SYT1: variants seen among roughly 807,000 people sequenced by gnomAD.
SYT1 encodes synaptotagmin 1.
In SYT1, 8 loss-of-function variants were observed where a neutral mutation model predicts 44.8. The observed-to-expected ratio is 0.18, with a 90% CI of 0.10 to 0.32. The LOEUF (loss-of-function observed/expected upper bound fraction) is 0.32, where lower values mean the gene tolerates loss of function less well. Among genes scored for constraint, SYT1 ranks in the 10% least tolerant of loss-of-function variants. The probability of loss-of-function intolerance (pLI) is 1.00; values close to 1 mark genes in which losing one functional copy is unlikely to be tolerated. For synonymous variants in SYT1, 154 were observed against 188.8 expected, an observed-to-expected ratio of 0.82 and a Z score of 1.51; for missense variants, 286 against 509.3, an observed-to-expected ratio of 0.56 and a Z score of 4.22.
intron 1 of SYT1, among the ~76,000 whole-genome samples, chr12:78,917,442 C>T (rs955678670): frequency 1.3e-5 from 2 of 152,048 alleles, no homozygotes; most frequent in East Asian, 1.9e-4. Context: ...AGGGGAACAT[C>T]ACACACTGGG....
At chr12:79,411,644 T>C (rs923513613) in intron 9 of SYT1, among the ~76,000 whole-genome samples, 1 of 152,162 alleles carries the variant, frequency 6.6e-6, no homozygotes, top group Non-Finnish European at 1.5e-5. Context: ...TGTGTTTACA[T>C]AGAAATATAT....
intron 3 of SYT1, among the ~76,000 whole-genome samples, chr12:79,084,464 A>G (rs1877246531): frequency 6.6e-6 from 1 of 152,138 alleles, no homozygotes; most frequent in South Asian, 2.1e-4. Flanking sequence ...CTATGTAAGG[A>G]GACCGAGACT....
rs1871945149 is a variant in SYT1, at chr12:79,018,291, C to A, written c.-83-29006C>A. Among the ~76,000 whole-genome samples the A allele has an allele frequency of 4.3e-5, 6 of 139,344 alleles. No individual in the cohort carries two copies. In the South Asian group the frequency reaches 1.3e-3, roughly 31 times the overall value. The allele number at this position is 139,344 out of a possible 152,430, so 91.4% of individuals were successfully genotyped here. Reference sequence around the variant, plus strand: ...TTCTCACTCATAGGTGGGAATTGAACAATGAGAACACATGGACACAGGAAG... The same window carrying A: ...TTCTCACTCATAGGTGGGAATTGAAAAATGAGAACACATGGACACAGGAAG... On this transcript the variant is annotated intron_variant, in intron 2 of 10. Transcript: ENST00000261205.
chr12:78,947,287 T>G (rs962186501), intron 1 of SYT1, among the ~76,000 whole-genome samples: 2 of 152,118 alleles, frequency 1.3e-5, no homozygotes, highest in Non-Finnish European at 2.9e-5. Context: ...AATGAAGGTA[T>G]TTTTACATTG....
At chr12:79,409,620 A>G (rs924105390) in intron 9 of SYT1, among the ~76,000 whole-genome samples, 2 of 152,064 alleles carry the variant, frequency 1.3e-5, no homozygotes, top group African/African-American at 4.8e-5. Flanking sequence ...GCATGACAAG[A>G]CCATAATCTA....
At chr12:79,182,043 C>A (rs1872578763) in intron 3 of SYT1, among the ~76,000 whole-genome samples, 1 of 152,042 alleles carries the variant, frequency 6.6e-6, no homozygotes, top group African/African-American at 2.4e-5. Flanking sequence ...CTGTAACATT[C>A]TAAAGACAGC....
intron 3 of SYT1, among the ~76,000 whole-genome samples, chr12:79,156,218 G>A (rs1870583028): frequency 6.6e-6 from 1 of 152,130 alleles, no homozygotes; most frequent in African/African-American, 2.4e-5. Context: ...AATCCAGAGA[G>A]GTTTATCTGA....
intron 4 of SYT1, among the ~76,000 whole-genome samples, chr12:79,222,070 C>T (rs964936608): frequency 1.3e-5 from 2 of 152,126 alleles, no homozygotes; most frequent in Non-Finnish European, 2.9e-5. Context: ...GCTGGGTACA[C>T]TATTCTCTGT....
intron 1 of SYT1, among the ~76,000 whole-genome samples, chr12:78,947,014 C>G (rs1878695828): frequency 6.6e-6 from 1 of 152,110 alleles, no homozygotes. Context: ...CAAAAACACA[C>G]CAAAACCCAA....
chr12:79,165,465 C>T (rs1349114688), intron 3 of SYT1, among the ~76,000 whole-genome samples: 5 of 151,818 alleles, frequency 3.3e-5, no homozygotes, highest in Non-Finnish European at 7.4e-5. Context: ...TCTTTAAGGA[C>T]GGTATGGTTG....
chr12:78,999,249 A>G (rs955316774), intron 2 of SYT1, among the ~76,000 whole-genome samples: 1 of 152,156 alleles, frequency 6.6e-6, no homozygotes, highest in African/African-American at 2.4e-5. Context: ...TTGAAACTTC[A>G]TTTGCAACAT....
intron 9 of SYT1, among the ~76,000 whole-genome samples, chr12:79,431,877 T>C (rs1295318915): frequency 6.6e-6 from 1 of 152,168 alleles, no homozygotes; most frequent in East Asian, 1.9e-4. Flanking sequence ...TAGTTTATTT[T>C]TATTTTCTCC....
chr12:79,308,237 C>T (rs926904009), intron 8 of SYT1, among the ~76,000 whole-genome samples: 1 of 152,028 alleles, frequency 6.6e-6, no homozygotes, highest in Non-Finnish European at 1.5e-5. Flanking sequence ...TGTGGAAGTG[C>T]GGAGAGGCAG....
chr12:79,238,493 T>C (rs1876318294), intron 4 of SYT1, among the ~76,000 whole-genome samples: 1 of 152,084 alleles, frequency 6.6e-6, no homozygotes, highest in Non-Finnish European at 1.5e-5. Context: ...GGGTGCAGGA[T>C]GAGAAGTTAA....
chr12:79,041,075 T>C (rs1229932406), intron 2 of SYT1, among the ~76,000 whole-genome samples: 2 of 152,174 alleles, frequency 1.3e-5, no homozygotes, highest in Non-Finnish European at 2.9e-5. Flanking sequence ...CCAGCTTTGT[T>C]CTTTTGGCTT....
At chr12:79,244,516 G>T (rs1329532605) in intron 4 of SYT1, among the ~76,000 whole-genome samples, 1 of 152,008 alleles carries the variant, frequency 6.6e-6, no homozygotes, top group Non-Finnish European at 1.5e-5. Flanking sequence ...GACCAGCCTG[G>T]CCAACATGGT....
intron 9 of SYT1, among the ~76,000 whole-genome samples, chr12:79,367,867 T>C (rs150160372): frequency 2.2e-4 from 34 of 151,998 alleles, no homozygotes; most frequent in African/African-American, 7.2e-4. Flanking sequence ...AAATATTGCT[T>C]ATTAGTCCTA....
intron 3 of SYT1, among the ~76,000 whole-genome samples, chr12:79,073,582 G>A (rs577281669): frequency 1.3e-5 from 2 of 152,226 alleles, no homozygotes; most frequent in Admixed American, 1.3e-4. Context: ...AGTCTTCCTG[G>A]CTTGGCTAGA....
intron 4 of SYT1, among the ~76,000 whole-genome samples, chr12:79,251,003 T>C (rs1877177862): frequency 6.6e-6 from 1 of 152,164 alleles, no homozygotes; most frequent in South Asian, 2.1e-4. Flanking sequence ...GCCTACCATG[T>C]GACAGCATTG....
Sources: allele counts gnomAD v4.1 joint callset (sites outside exome capture counted in the v4.1 genomes callset), GRCh38; gene constraint gnomAD v4.1.1; transcripts MANE v1.5; gene names NCBI Gene and HGNC (gene_info 2026-07-23, HGNC 2026-07-21).